Variants in PPM1H observed in about 807,000 individuals in gnomAD.
The protein encoded by PPM1H is protein phosphatase, Mg2+/Mn2+ dependent 1H.
In PPM1H, 27 loss-of-function variants were observed where a neutral mutation model predicts 54.9. The observed-to-expected ratio is 0.49, with a 90% CI of 0.36 to 0.68. The LOEUF (loss-of-function observed/expected upper bound fraction) is 0.68, where lower values mean the gene tolerates loss of function less well. Among genes scored for constraint, PPM1H ranks in the 30% least tolerant of loss-of-function variants. PPM1H has a pLI of 0.00. For missense variants in PPM1H, 596 were observed against 667.8 expected (o/e 0.89, Z 1.19); for synonymous variants, 305 against 270.8 (o/e 1.13, Z -1.24).
At chr12:62,770,396 G>A (rs2076571632) in intron 4 of PPM1H, among the ~76,000 whole-genome samples, 1 of 152,168 alleles carries the variant, frequency 6.6e-6, no homozygotes, top group Admixed American at 6.5e-5. Flanking sequence ...ACAGAAGCCA[G>A]GACCTGAATC....
intron 3 of PPM1H, among the ~76,000 whole-genome samples, chr12:62,791,267 G>A (rs1428415933): frequency 6.6e-6 from 1 of 152,130 alleles, no homozygotes; most frequent in Non-Finnish European, 1.5e-5. Context: ...ACTGGTAGAA[G>A]GCTGGAGGAT....
At chr12:62,795,926 G>A (rs905719320) in intron 3 of PPM1H, among the ~76,000 whole-genome samples, 4 of 151,620 alleles carry the variant, frequency 2.6e-5, no homozygotes, top group East Asian at 3.9e-4. Flanking sequence ...ACAGGGTTTC[G>A]CCATGTTGGT....
chr12:62,832,420 G>A (rs1242632252), intron 1 of PPM1H, 141 bp from the exon 2 acceptor site: 2 of 754,772 alleles, frequency 2.6e-6, no homozygotes, highest in Non-Finnish European at 4.1e-6. Flanking sequence ...TATGGTCTTG[G>A]TATTTTATGT....
intron 5 of PPM1H, chr12:62,720,589 T>C: frequency 3.0e-6 from 1 of 335,278 alleles, no homozygotes; most frequent in African/African-American, 2.1e-5. Flanking sequence ...CTTTTTAGTT[T>C]TCCAAATGGT....
intron 1 of PPM1H, among the ~76,000 whole-genome samples, chr12:62,932,627 G>GTTTTTTTTTTT (rs1229452777): frequency 1.5e-3 from 33 of 22,524 alleles, no homozygotes; most frequent in South Asian, 4.7e-3. Flanking sequence ...GTCCAAATGG[G>GTTTTTTTTTTT]CTTTTTTTTT....
At chr12:62,778,872 A>G (rs1286506293) in intron 4 of PPM1H, among the ~76,000 whole-genome samples, 1 of 152,076 alleles carries the variant, frequency 6.6e-6, no homozygotes. Flanking sequence ...TTGAGGCTGC[A>G]GTGAGCTATG....
intron 1 of PPM1H, among the ~76,000 whole-genome samples, chr12:62,885,030 C>T (rs890814494): frequency 6.6e-6 from 1 of 152,004 alleles, no homozygotes; most frequent in African/African-American, 2.4e-5. Flanking sequence ...AGAATCATGG[C>T]GGGAGGTGAA....
intron 2 of PPM1H, among the ~76,000 whole-genome samples, chr12:62,827,789 C>G (rs1187859758): frequency 2.6e-5 from 4 of 152,096 alleles, no homozygotes; most frequent in Non-Finnish European, 4.4e-5. Context: ...GAAGGCTTTC[C>G]TAACCTTACC....
At chr12:62,663,080 G>T (rs1216551794) in intron 9 of PPM1H, among the ~76,000 whole-genome samples, 1 of 151,984 alleles carries the variant, frequency 6.6e-6, no homozygotes, top group Non-Finnish European at 1.5e-5. Flanking sequence ...GGTGGGGGAG[G>T]TGCTATAAAG....
chr12:62,880,046 A>C (rs1870334507), intron 1 of PPM1H, among the ~76,000 whole-genome samples: 1 of 152,208 alleles, frequency 6.6e-6, no homozygotes, highest in African/African-American at 2.4e-5. Context: ...TACAAACTTT[A>C]AAAGCTGACC....
At chr12:62,877,795 C>T (rs942847881) in intron 1 of PPM1H, among the ~76,000 whole-genome samples, 1 of 152,158 alleles carries the variant, frequency 6.6e-6, no homozygotes, top group Non-Finnish European at 1.5e-5. Flanking sequence ...GAGGTTTGCA[C>T]TATTAGACAT....
intron 9 of PPM1H, among the ~76,000 whole-genome samples, chr12:62,662,621 T>C (rs996319098): frequency 6.6e-5 from 10 of 152,134 alleles, no homozygotes; most frequent in African/African-American, 2.4e-4. Context: ...AGTTAAGAAA[T>C]TTTCCCAAGA....
intron 9 of PPM1H, among the ~76,000 whole-genome samples, chr12:62,652,719 A>G (rs2075823045): frequency 6.6e-6 from 1 of 152,162 alleles, no homozygotes; most frequent in Admixed American, 6.5e-5. Flanking sequence ...GGACCTTAGA[A>G]TGCCTTCTTT....
At chr12:62,930,669 T>C (rs1872104475) in intron 1 of PPM1H, among the ~76,000 whole-genome samples, 1 of 151,304 alleles carries the variant, frequency 6.6e-6, no homozygotes, top group African/African-American at 2.4e-5. Context: ...TTGGGTGGTA[T>C]TTGAGAGAAA....
At chr12:62,691,771 C>T (rs530598453) in intron 7 of PPM1H, among the ~76,000 whole-genome samples, 2 of 147,354 alleles carry the variant, frequency 1.4e-5, no homozygotes, top group Admixed American at 1.4e-4. Flanking sequence ...TGAAGTGAGC[C>T]GAGATTGTGC....
At chr12:62,798,113 T>C (rs886492802) in intron 3 of PPM1H, among the ~76,000 whole-genome samples, 3 of 152,140 alleles carry the variant, frequency 2.0e-5, no homozygotes, top group East Asian at 3.9e-4. Context: ...GGTAAGGACA[T>C]GCCTGGAAGA....
intron 5 of PPM1H, among the ~76,000 whole-genome samples, chr12:62,736,046 G>T (rs1340616338): frequency 1.3e-5 from 2 of 152,216 alleles, no homozygotes; most frequent in Non-Finnish European, 2.9e-5. Context: ...TCTGTAAATT[G>T]CAGGGAGCCA....
At chr12:62,777,265 A>C (rs11174642) in intron 4 of PPM1H, among the ~76,000 whole-genome samples, 19,586 of 152,160 alleles carry the variant, frequency 0.13, 1,607 homozygotes, top group African/African-American at 0.24. Context: ...TCACTCAGTA[A>C]AGCCCAGAGC....
chr12:62,760,501 A>T (rs1282585063), intron 4 of PPM1H, among the ~76,000 whole-genome samples: 1 of 151,496 alleles, frequency 6.6e-6, no homozygotes, highest in Non-Finnish European at 1.5e-5. Flanking sequence ...CCCTTCTATT[A>T]CCTCCCCTCA....
Sources: allele counts gnomAD v4.1 joint callset (sites outside exome capture counted in the v4.1 genomes callset), GRCh38; gene constraint gnomAD v4.1.1; transcripts MANE v1.5; gene names NCBI Gene and HGNC (gene_info 2026-07-23, HGNC 2026-07-21).